The following SYP variants were observed in gnomAD, a reference collection of about 807,000 sequenced individuals.
SYP encodes major synaptic vesicle protein P38.
A neutral mutation model predicts 24.3 loss-of-function variants in SYP; 2 were observed. That is an observed-to-expected ratio of 0.08 (90% confidence interval 0.03 to 0.26). The LOEUF is 0.26. Ranked by LOEUF, SYP falls within the 10% of genes least tolerant of loss-of-function variation. SYP has a pLI of 1.00. For synonymous variants in SYP, 143 were observed against 123.2 expected (o/e 1.16, Z -1.07); for missense variants, 216 against 266.3 (o/e 0.81, Z 1.32).
intron 4 of SYP, 44 bp downstream of exon 4, chrX:49,194,122 C>T (rs782287502): frequency 5.7e-5 from 68 of 1,196,055 alleles, no homozygotes; most frequent in African/African-American, 3.7e-4. Flanking sequence ...CCTGGGGTTC[C>T]GTGTCCCCAT....
chrX:49,196,787 T>C lies in SYP; in HGVS notation c.227+928A>G, dbSNP rs2065529524. 2.7e-5 allele frequency among the ~76,000 whole-genome samples: 3 copies of C among 111,924 alleles called. No individual in the cohort carries two copies. In the South Asian group the frequency reaches 1.1e-3, roughly 42 times the overall value. On this transcript the variant is annotated intron_variant, in intron 3 of 6. Transcript: ENST00000263233. ...TCATTCTTGTGCACCTAGCACCCAG[T>C]GTATTGCCCGGCACACAGTGTGAGC...
chrX:49,191,800 C>T, intron 5 of SYP, 37 bp from the exon 6 acceptor site: 1 of 1,168,922 alleles, frequency 8.6e-7, no homozygotes, highest in Non-Finnish European at 1.2e-6. Flanking sequence ...GTACCCCGCC[C>T]ATTGCCTTGG....
chrX:49,191,157 C>A (rs1397128677), intron 6 of SYP: 9 of 407,118 alleles, frequency 2.2e-5, no homozygotes, highest in Non-Finnish European at 2.6e-5. Context: ...CTGCTTCTCT[C>A]CCCCCGCCTT....
chrX:49,190,628 C>T (rs1445778266), intron 6 of SYP: 2 of 110,196 alleles, frequency 1.8e-5, no homozygotes, highest in East Asian at 5.7e-4. Flanking sequence ...AAGTGATCCT[C>T]CCACTTCAGC....
chrX:49,192,356 G>A (rs6417805), intron 5 of SYP, among the ~76,000 whole-genome samples: 10,577 of 111,366 alleles, frequency 0.095, 1,305 homozygotes, highest in African/African-American at 0.33. Context: ...CACCACACCA[G>A]CTAATTTTGT....
intron 1 of SYP, 45 bp downstream of exon 1, chrX:49,200,106 C>G (rs1416179656): frequency 5.2e-6 from 6 of 1,161,011 alleles, no homozygotes; most frequent in Non-Finnish European, 5.8e-6. Context: ...CCGGCCTAGG[C>G]AGCCGGGCGG....
chrX:49,191,554 C>T lies in SYP; in HGVS notation c.825G>A (p.Gln275=). 1.7e-6 allele frequency: 2 copies of T among 1,210,704 alleles called. No individual in the cohort carries two copies. Among genetic ancestry groups the T allele is most frequent in the Non-Finnish European group, 2.2e-6 (2 of 895,230 alleles). The change falls in exon 6 of 7, where the codon CAG becomes CAA. Residue 275 remains glutamine (Q), a synonymous_variant. Transcript: ENST00000263233. The part of the protein sequence containing the change: ...QDSYGPQGGY[Q]PDYGQPAGSG... The stretch of plus-strand genomic sequence containing the variant: ...TGCCGGCTGGTTGACCATAGTCAGG[C>T]TGGTAGCCGCCCTGAGGCCCGTAGG...
At chrX:49,193,503 G>T (rs782798381) in intron 4 of SYP, 40 bp from the exon 5 acceptor site, 16 of 1,195,487 alleles carry the variant, frequency 1.3e-5, no homozygotes, top group South Asian at 1.8e-5. Context: ...ACTGTGAGTG[G>T]ACTGCTTCAC....
chrX:49,191,355 C>A, intron 6 of SYP, 78 bp downstream of exon 6: 1 of 1,103,036 alleles, frequency 9.1e-7, no homozygotes, highest in Non-Finnish European at 1.2e-6. Context: ...CTCTCTACCC[C>A]TGACTCTTAT....
chrX:49,196,552 C>A (rs2065528820), intron 3 of SYP, among the ~76,000 whole-genome samples: 2 of 112,310 alleles, frequency 1.8e-5, no homozygotes, highest in African/African-American at 6.5e-5. Context: ...AATATTAACT[C>A]ATTGAATGCT....
At position 49,191,780 on chromosome X, in the gene SYP, C is replaced by T; in HGVS notation, c.616-17G>A. ...GCCGAACACCTGCAGGGAGACAAGG[C>T]TCGGCTGTGGTACCCCGCCCATTGC... On this transcript the variant is annotated splice_polypyrimidine_tract_variant and intron_variant, in intron 5 of 6. Coordinates refer to ENST00000263233, the MANE Select transcript of SYP (RefSeq NM_003179.3). 1.7e-6 allele frequency: 2 copies of T among 1,193,787 alleles called. No individual in the cohort carries two copies. Among genetic ancestry groups the T allele is most frequent in the Non-Finnish European group, 2.3e-6 (2 of 885,150 alleles).
Position 49,188,336 on chromosome X carries a change from C to T in SYP, c.*951G>A, listed in dbSNP as rs782730663. 1 of 111,328 alleles carries T rather than the reference C, an allele frequency of 9.0e-6. No homozygotes were observed. The highest frequency in any genetic ancestry group is 1.9e-5 in the Non-Finnish European group (1 of 53,046). 9.2% of individuals were successfully genotyped at this position (111,328 alleles called of 1,213,427 possible). A position where few individuals can be genotyped will look rare whatever the true frequency, so the allele number is the denominator to read the frequency against. ...TCCTATCCAAGTCCCCTCTCCACTG[C>T]CCAAACCCAGCCATTGTAAAACATT... is the stretch of plus-strand genomic sequence containing the variant. On this transcript the variant is annotated 3_prime_UTR_variant, in exon 7 of 7. Coordinates refer to ENST00000263233, the MANE Select transcript of SYP (RefSeq NM_003179.3).
rs1380961688 is a variant in SYP, at chrX:49,193,371, G to A, written c.516C>T (p.Asp172=). 5.0e-6 allele frequency: 6 copies of A among 1,211,173 alleles called. No individual in the cohort carries two copies. The highest frequency in any genetic ancestry group is 5.6e-6 in the Non-Finnish European group (5 of 895,401). The change falls in exon 5 of 7, where the codon GAC becomes GAT. Residue 172 remains aspartate, a synonymous_variant. Coordinates refer to ENST00000263233, the MANE Select transcript of SYP (RefSeq NM_003179.3). Reference sequence around the variant, plus strand: ...GCATCTCCTTGATAATGTTCTCTGGGTCTGTGGCCATCTTCACATCTGACA... The same window carrying A: ...GCATCTCCTTGATAATGTTCTCTGGATCTGTGGCCATCTTCACATCTGACA... ...KGLSDVKMAT[D]PENIIKEMPV... is the part of the protein sequence containing the mutation.
Position 49,188,048 on chromosome X carries a change from C to T in SYP, c.*1239G>A, listed in dbSNP as rs181070015. On this transcript the variant is annotated 3_prime_UTR_variant, in exon 7 of 7. Coordinates refer to ENST00000263233, the MANE Select transcript of SYP (RefSeq NM_003179.3). The stretch of plus-strand genomic sequence containing the variant: ...GACCAGGCCTCCAACCACCCCAGGA[C>T]GGGTGGAGGTGTGGAGGGAGGGAGG... 383 of 99,557 alleles carry T rather than the reference C, an allele frequency of 3.8e-3. 2 individuals carry two copies. The highest frequency in any genetic ancestry group is 5.9e-3 in the Non-Finnish European group (291 of 49,522). The allele number at this position is 99,557 out of a possible 1,213,427, so 8.2% of individuals were successfully genotyped here.
chrX:49,191,022 C>A, intron 6 of SYP: 1 of 216,297 alleles, frequency 4.6e-6, no homozygotes, highest in South Asian at 6.1e-5. Flanking sequence ...CATCTATTGG[C>A]CTTATCACCT....
intron 6 of SYP, chrX:49,190,871 C>T (rs2065505084): frequency 8.5e-6 from 1 of 118,318 alleles, no homozygotes; most frequent in Admixed American, 8.6e-5. Context: ...TTTCCAGGAC[C>T]CCACCCTATC....
At chrX:49,197,638 G>GC in intron 3 of SYP, 77 bp downstream of exon 3, 2 of 1,156,753 alleles carry the variant, frequency 1.7e-6, no homozygotes, top group South Asian at 1.9e-5. Flanking sequence ...GGAGCTACTT[G>GC]CGGGGGGAGG....
rs202171643 is a variant in SYP at position 49,191,668 on chromosome X, G to A, written c.711C>T (p.Pro237=). The change falls in exon 6 of 7, where the codon CCC becomes CCT. Residue 237 remains proline, a synonymous_variant. Transcript: ENST00000263233. ...GTGCCGGTTGTTTCTCGGGGGCGCCGGGAGGCGCGCGCAGGAACGGGGCGG... is the reference window on the plus strand; with the variant it reads ...GTGCCGGTTGTTTCTCGGGGGCGCCAGGAGGCGCGCGCAGGAACGGGGCGG... ...GWAAPFLRAP[P]GAPEKQPAPG... 64 of 1,204,496 alleles carry A rather than the reference G, an allele frequency of 5.3e-5. 1 individual carries two copies. In the African/African-American group the frequency reaches 9.1e-4, roughly 17 times the overall value.
chrX:49,199,898 C>G lies in SYP; in HGVS notation c.36+253G>C, dbSNP rs186374521. Among the ~76,000 whole-genome samples the G allele has an allele frequency of 2.2e-3, 246 of 111,233 alleles. 1 individual carries two copies. The highest frequency in any genetic ancestry group is 7.7e-3 in the African/African-American group (236 of 30,593). ...GCCCCTATTCCTCCCCTCGCGGTCG[C>G]CAGTAATAAACGGGGCTCCGGGGGC... On this transcript the variant is annotated intron_variant, in intron 1 of 6. Transcript: ENST00000263233.
Sources: gnomAD v4.1 joint callset for allele counts (sites outside exome capture counted in the v4.1 genomes callset) on GRCh38, gnomAD v4.1.1 for gene constraint, MANE v1.5 for transcripts, NCBI Gene and HGNC (gene_info 2026-07-23, HGNC 2026-07-21) for gene names.